Variants in MICOS10 observed in about 807,000 individuals in gnomAD.
MICOS10 encodes the protein MICOS complex subunit MIC10.
In MICOS10, 5 loss-of-function variants were observed where a neutral mutation model predicts 13.4. The ratio of observed to expected loss-of-function variants is 0.37; its 90% confidence interval spans 0.20 to 0.78. The LOEUF is 0.78. Among genes scored for constraint, MICOS10 ranks in the 30% least tolerant of loss-of-function variants. MICOS10 has a pLI of 0.47. For missense variants in MICOS10, 101 were observed against 94.6 expected, an observed-to-expected ratio of 1.07 and a Z score of -0.28; for synonymous variants, 35 against 33.6, an observed-to-expected ratio of 1.04 and a Z score of -0.15.
At position 19,627,105 on chromosome 1, in the gene MICOS10, C is replaced by T. The variant is rs563933974; in HGVS notation, c.*704C>T. On this transcript the variant is annotated 3_prime_UTR_variant, in exon 4 of 4. Coordinates refer to ENST00000322753, the MANE Select transcript of MICOS10 (RefSeq NM_001032363.4). ...AAAGCTCATGGCATACCCACCTGGC[C>T]GGAGGAGCCCGATTGGGGTTAATTT... is the stretch of plus-strand genomic sequence containing the variant. The T allele has an allele frequency of 8.5e-5, 13 of 152,322 alleles. No individual in the cohort carries two copies. The highest frequency in any genetic ancestry group is 3.9e-4 in the East Asian group (2 of 5,176). 9.4% of individuals were successfully genotyped at this position (152,322 alleles called of 1,614,324 possible).
intron 1 of MICOS10, among the ~76,000 whole-genome samples, chr1:19,603,177 A>C (rs975282552): frequency 6.6e-6 from 1 of 152,042 alleles, no homozygotes; most frequent in African/African-American, 2.4e-5. Context: ...TAAAAATACA[A>C]AAAATTAGCC....
intron 1 of MICOS10, chr1:19,600,941 G>A: frequency 1.6e-6 from 2 of 1,289,386 alleles, no homozygotes; most frequent in African/African-American, 1.5e-5. Context: ...AAAGACTGAA[G>A]GGAAGCCATG....
At chr1:19,608,183 G>C (rs764669090) in intron 1 of MICOS10, 1 of 1,361,562 alleles carries the variant, frequency 7.3e-7, no homozygotes, top group African/African-American at 1.4e-5. Flanking sequence ...GGTGGCTGAA[G>C]GGGAGAATGT....
In MICOS10 at chr1:19,626,549, A is replaced by C. The variant is rs1016079445; in HGVS notation, c.*148A>C. 1 of 799,852 alleles carries C rather than the reference A, an allele frequency of 1.3e-6. No individual in the cohort carries two copies. The highest frequency in any genetic ancestry group is 2.0e-6 in the Non-Finnish European group (1 of 491,914). 49.5% of individuals were successfully genotyped at this position (799,852 alleles called of 1,614,324 possible). A position where few individuals can be genotyped will look rare whatever the true frequency, so the allele number is the denominator to read the frequency against. On this transcript the variant is annotated 3_prime_UTR_variant, in exon 4 of 4. Coordinates refer to ENST00000322753, the MANE Select transcript of MICOS10 (RefSeq NM_001032363.4). Reference sequence around the variant, plus strand: ...TCCAGCACCTGGTTATGCATTTGAAACCAAGTCTGTTTCTTGTTTTGTATT... The same window carrying C: ...TCCAGCACCTGGTTATGCATTTGAACCCAAGTCTGTTTCTTGTTTTGTATT...
chr1:19,609,351 T>A (rs867807232), intron 1 of MICOS10, among the ~76,000 whole-genome samples: 16 of 152,262 alleles, frequency 1.1e-4, no homozygotes, highest in African/African-American at 3.9e-4. Flanking sequence ...ATACTAAGTG[T>A]TAATTAAGCT....
chr1:19,627,636 CAGAA>C lies in MICOS10; in HGVS notation c.*1236_*1239del, dbSNP rs1424183233. On this transcript the variant is annotated 3_prime_UTR_variant, in exon 4 of 4. Coordinates refer to ENST00000322753, the MANE Select transcript of MICOS10 (RefSeq NM_001032363.4). Reference sequence around the variant, plus strand: ...CCCGAAGTTGACTGGGAATCCCAGACAGAAGGAGGGTAGCCTCTGTGTTTGCTCA... The same window carrying C: ...CCCGAAGTTGACTGGGAATCCCAGACGGAGGGTAGCCTCTGTGTTTGCTCA... 1.3e-5 allele frequency: 2 copies of C among 152,304 alleles called. No homozygotes were observed. Among genetic ancestry groups the C allele is most frequent in the South Asian group, 2.1e-4 (1 of 4,826 alleles). The allele number at this position is 152,304 out of a possible 1,614,324, so 9.4% of individuals were successfully genotyped here. A position where few individuals can be genotyped will look rare whatever the true frequency, so the allele number is the denominator to read the frequency against.
intron 1 of MICOS10, chr1:19,617,197 C>A: frequency 1.2e-6 from 1 of 835,296 alleles, no homozygotes; most frequent in Non-Finnish European, 1.4e-6. Flanking sequence ...AATGACTCCA[C>A]ATTTACCTTT....
At chr1:19,606,464 G>A (rs2094835160) in intron 1 of MICOS10, among the ~76,000 whole-genome samples, 1 of 152,166 alleles carries the variant, frequency 6.6e-6, no homozygotes, top group South Asian at 2.1e-4. Context: ...GTATGGCCAG[G>A]GCTGGGCACG....
chr1:19,603,049 G>C (rs2094821616), intron 1 of MICOS10, among the ~76,000 whole-genome samples: 1 of 152,152 alleles, frequency 6.6e-6, no homozygotes, highest in African/African-American at 2.4e-5. Flanking sequence ...GAAGCACTAG[G>C]CCGGGCTCGC....
chr1:19,627,173 TTCTGATGCCCC>T lies in MICOS10; in HGVS notation c.*778_*788del, dbSNP rs1485982807. The T allele has an allele frequency of 1.3e-5, 2 of 152,258 alleles. No individual in the cohort carries two copies. The highest frequency in any genetic ancestry group is 3.8e-4 in the East Asian group (2 of 5,200). 9.4% of individuals were successfully genotyped at this position (152,258 alleles called of 1,614,324 possible). ...TGAAGTTTGAGGACAAAAGGGCCAC[TTCTGATGCCCC>T]TCTGAGTTTGTTCCTGTGGTTTCAC... On this transcript the variant is annotated 3_prime_UTR_variant, in exon 4 of 4. Coordinates refer to ENST00000322753, the MANE Select transcript of MICOS10 (RefSeq NM_001032363.4).
rs1033216740 is a variant in MICOS10, at chr1:19,597,084, T to G, written c.39T>G (p.Cys13Trp). Reference sequence around the variant, plus strand: ...AGCTCGGCAGGAAGTGGGACCGGTGTCTGGCGGATGCGGTCGTGAAGATAG... The same window carrying G: ...AGCTCGGCAGGAAGTGGGACCGGTGGCTGGCGGATGCGGTCGTGAAGATAG... ...ESELGRKWDRCLADAVVKIGT... is the reference protein window; with the variant it reads ...ESELGRKWDRWLADAVVKIGT... Residue 13 changes from cysteine to tryptophan, a missense_variant, in exon 1 of 4, where the codon TGT becomes TGG. By Grantham distance (215) the Cys-to-Trp change is radical (BLOSUM62 -2). Coordinates refer to ENST00000322753, the MANE Select transcript of MICOS10 (RefSeq NM_001032363.4). 10 of 1,600,458 alleles carry G rather than the reference T, an allele frequency of 6.2e-6. No homozygotes were observed. The highest frequency in any genetic ancestry group is 8.5e-6 in the Non-Finnish European group (10 of 1,174,444).
intron 1 of MICOS10, among the ~76,000 whole-genome samples, chr1:19,597,405 C>T (rs770802766): frequency 6.6e-6 from 1 of 152,126 alleles, no homozygotes; most frequent in African/African-American, 2.4e-5. Flanking sequence ...AAGACAGTGT[C>T]GGGGCACACC....
At chr1:19,603,135 G>T (rs1241500430) in intron 1 of MICOS10, among the ~76,000 whole-genome samples, 1 of 152,020 alleles carries the variant, frequency 6.6e-6, no homozygotes. Context: ...TTCGAGACCA[G>T]CCTGGACAAC....
In MICOS10 at chr1:19,622,962, G is replaced by A. The variant is rs111645797; in HGVS notation, c.113-512G>A. On this transcript the variant is annotated intron_variant, in intron 2 of 3. Transcript: ENST00000322753. ...TTTTGAAACGGAGTCTTGCTCTGTC[G>A]CCAGGCTGGAGTGCAGTGGTGCGAT... is the stretch of plus-strand genomic sequence containing the variant. 7.6e-3 allele frequency among the ~76,000 whole-genome samples: 1,016 copies of A among 133,874 alleles called. 12 individuals are homozygous for A. The highest frequency in any genetic ancestry group is 0.029 in the African/African-American group (964 of 33,724). The allele number at this position is 133,874 out of a possible 152,430, so 87.8% of individuals were successfully genotyped here. A position where few individuals can be genotyped will look rare whatever the true frequency, so the allele number is the denominator to read the frequency against.
chr1:19,597,334 C>T (rs1039411090), intron 1 of MICOS10, among the ~76,000 whole-genome samples: 3 of 152,160 alleles, frequency 2.0e-5, no homozygotes, highest in Non-Finnish European at 4.4e-5. Flanking sequence ...GGTGGAGTTG[C>T]AGCCCGGAGG....
intron 1 of MICOS10, among the ~76,000 whole-genome samples, chr1:19,611,153 T>C (rs1477371544): frequency 1.3e-5 from 2 of 152,024 alleles, no homozygotes; most frequent in Non-Finnish European, 2.9e-5. Flanking sequence ...GGTTTCACCA[T>C]ATTGGCCAGG....
chr1:19,621,159 AC>A (rs1478460576), intron 1 of MICOS10, among the ~76,000 whole-genome samples: 3 of 152,194 alleles, frequency 2.0e-5, no homozygotes, highest in Non-Finnish European at 4.4e-5. Context: ...AAACCAAGCA[AC>A]AGCAGAGTCT....
intron 1 of MICOS10, chr1:19,597,768 G>GA: frequency 6.6e-6 from 1 of 152,368 alleles, no homozygotes; most frequent in Non-Finnish European, 1.5e-5. Context: ...GTATGGTGGG[G>GA]AGGAGAAAGG....
At chr1:19,613,167 G>A (rs2094870469) in intron 1 of MICOS10, among the ~76,000 whole-genome samples, 1 of 152,190 alleles carries the variant, frequency 6.6e-6, no homozygotes, top group Admixed American at 6.5e-5. Flanking sequence ...CAGTTGAGCC[G>A]AGAAGGGTCT....
Sources: allele counts gnomAD v4.1 joint callset (sites outside exome capture counted in the v4.1 genomes callset), GRCh38; gene constraint gnomAD v4.1.1; transcripts MANE v1.5; gene names NCBI Gene and HGNC (gene_info 2026-07-23, HGNC 2026-07-21).